Variants in PDE11A observed in about 807,000 individuals in gnomAD.
PDE11A encodes dual 3',5'-cyclic-AMP and -GMP phosphodiesterase 11A.
PDE11A carries 100 observed loss-of-function variants against 100.5 expected under a neutral mutation model. The ratio of observed to expected loss-of-function variants is 1.00; its 90% confidence interval spans 0.85 to 1.18. PDE11A has a LOEUF of 1.18. PDE11A is among the 50% of genes most tolerant of loss of function. The probability of loss-of-function intolerance (pLI) is 0.00; values close to 1 mark genes in which losing one functional copy is unlikely to be tolerated. For missense variants in PDE11A, 1,141 were observed against 1,152.6 expected (o/e 0.99, Z 0.15); for synonymous variants, 381 against 420.8 (o/e 0.91, Z 1.16).
At chr2:177,926,083 C>A (rs763723946) in intron 2 of PDE11A, among the ~76,000 whole-genome samples, 1 of 152,106 alleles carries the variant, frequency 6.6e-6, no homozygotes, top group Non-Finnish European at 1.5e-5. Flanking sequence ...ATAGTAGAAA[C>A]CAAAACAAAT....
chr2:177,993,538 A>C (rs1574328874), intron 2 of PDE11A, among the ~76,000 whole-genome samples: 1 of 152,206 alleles, frequency 6.6e-6, no homozygotes, highest in East Asian at 1.9e-4. Context: ...TAACAAGCTC[A>C]ATGTGCAACC....
Position 178,071,513 on chromosome 2 carries a change from T to C in PDE11A, c.912+13A>G, listed in dbSNP as rs777564489. ...ATGGGGCTCTGGGAGAAGGGGACAATGCAAAGTCCTACCTGGTAGGCATCA... is the reference window on the plus strand; with the variant it reads ...ATGGGGCTCTGGGAGAAGGGGACAACGCAAAGTCCTACCTGGTAGGCATCA... On this transcript the variant is annotated intron_variant, in intron 1 of 19. Transcript: ENST00000286063. The C allele has an allele frequency of 4.3e-6, 7 of 1,613,308 alleles. No homozygotes were observed. Among genetic ancestry groups the C allele is most frequent in the Non-Finnish European group, 5.9e-6 (7 of 1,179,276 alleles).
At chr2:177,748,306 G>A (rs149492485) in intron 10 of PDE11A, among the ~76,000 whole-genome samples, 1,579 of 152,256 alleles carry the variant, frequency 0.01, 31 homozygotes, top group African/African-American at 0.035. Flanking sequence ...TCTAGATGGA[G>A]TCCATTTTTT....
chr2:177,813,876 A>T (rs530439269), intron 9 of PDE11A, among the ~76,000 whole-genome samples: 1 of 152,182 alleles, frequency 6.6e-6, no homozygotes, highest in East Asian at 1.9e-4. Context: ...GGACTGAAAG[A>T]GCTACATTTA....
chr2:177,872,210 G>A (rs1477676221), intron 5 of PDE11A, among the ~76,000 whole-genome samples: 4 of 152,178 alleles, frequency 2.6e-5, no homozygotes. Context: ...AGGAATAACT[G>A]CCTCCAAACA....
chr2:177,724,296 C>T (rs925933045), intron 12 of PDE11A, among the ~76,000 whole-genome samples: 1 of 151,760 alleles, frequency 6.6e-6, no homozygotes, highest in South Asian at 2.1e-4. Context: ...CATTTTATAT[C>T]AATTTGCCTG....
chr2:177,997,241 G>A (rs1029645494), intron 2 of PDE11A: 17 of 1,290,668 alleles, frequency 1.3e-5, no homozygotes, highest in African/African-American at 1.0e-4. Flanking sequence ...CCCCAACCTC[G>A]GCCCCCTCTA....
In PDE11A at chr2:177,756,965, G is replaced by C. The variant is rs567893406; in HGVS notation, c.1788+12358C>G. Among the ~76,000 whole-genome samples, 6 of 152,310 alleles carry C rather than the reference G, an allele frequency of 3.9e-5. No individual in the cohort carries two copies. In the South Asian group the frequency reaches 1.2e-3, roughly 32 times the overall value. On this transcript the variant is annotated intron_variant, in intron 10 of 19. Transcript: ENST00000286063. ...TCAAGGGCTCACAATCAGACGATAA[G>C]GAGGGTCAAGCCAAGACGAGAAGAA... is the stretch of plus-strand genomic sequence containing the variant.
chr2:178,027,934 A>C lies in PDE11A; in HGVS notation c.913-13474T>G, dbSNP rs932885867. Among the ~76,000 whole-genome samples, 10 of 152,226 alleles carry C rather than the reference A, an allele frequency of 6.6e-5. No individual in the cohort carries two copies. In the East Asian group the frequency reaches 1.2e-3, roughly 18 times the overall value. On this transcript the variant is annotated intron_variant, in intron 1 of 19. Coordinates refer to ENST00000286063, the MANE Select transcript of PDE11A (RefSeq NM_016953.4). ...GAATGAATACTATCAACTAAAAAAA[A>C]CAAACTATTAAACCAGTAAATATAA...
chr2:178,028,551 C>T (rs141983960), intron 1 of PDE11A, among the ~76,000 whole-genome samples: 2 of 152,260 alleles, frequency 1.3e-5, no homozygotes, highest in East Asian at 1.9e-4. Flanking sequence ...AGAAATGAGT[C>T]GGCATGTTTA....
Position 177,727,811 on chromosome 2 carries a change from T to C in PDE11A, c.1936-46A>G, listed in dbSNP as rs772484285. The stretch of plus-strand genomic sequence containing the variant: ...TGCGTCAGGCAGTTGTAAGTGATTC[T>C]AGTGGACCCTTATCTCAATGGTGCC... On this transcript the variant is annotated intron_variant, in intron 11 of 19. Coordinates refer to ENST00000286063, the MANE Select transcript of PDE11A (RefSeq NM_016953.4). 38 of 1,158,044 alleles carry C rather than the reference T, an allele frequency of 3.3e-5. No homozygotes were observed. In the East Asian group the frequency reaches 8.6e-4, roughly 26 times the overall value. The allele number at this position is 1,158,044 out of a possible 1,614,324, so 71.7% of individuals were successfully genotyped here. A position where few individuals can be genotyped will look rare whatever the true frequency, so the allele number is the denominator to read the frequency against.
intron 2 of PDE11A, among the ~76,000 whole-genome samples, chr2:178,096,169 CTTTTT>C (rs71010857): frequency 8.3e-6 from 1 of 120,110 alleles, no homozygotes; most frequent in African/African-American, 3.2e-5. Flanking sequence ...CTTTTCTTTT[CTTTTT>C]TTTTTTTGAG....
intron 10 of PDE11A, among the ~76,000 whole-genome samples, chr2:177,751,583 T>C (rs911861459): frequency 2.6e-5 from 4 of 152,178 alleles, no homozygotes; most frequent in Non-Finnish European, 5.9e-5. Flanking sequence ...CTCAGAAAGC[T>C]GTGTCTAATG....
At chr2:177,903,914 A>G (rs942692417) in intron 3 of PDE11A, among the ~76,000 whole-genome samples, 2 of 152,216 alleles carry the variant, frequency 1.3e-5, no homozygotes, top group East Asian at 3.8e-4. Flanking sequence ...ACATGGGGCT[A>G]AAGATGAAAA....
rs1465178860 is a variant in PDE11A, at chr2:177,875,936, A to G, written c.1303-13T>C. On this transcript the variant is annotated splice_polypyrimidine_tract_variant and intron_variant, in intron 4 of 19. Transcript: ENST00000286063. The stretch of plus-strand genomic sequence containing the variant: ...TAAATTTCACCACCTGTCGCATAGA[A>G]AGATAATAAATCCAGGTCAATTAAA... 1 of 1,551,142 alleles carries G rather than the reference A, an allele frequency of 6.4e-7. No homozygotes were observed. The highest frequency in any genetic ancestry group is 8.9e-7 in the Non-Finnish European group (1 of 1,122,516).
intron 2 of PDE11A, among the ~76,000 whole-genome samples, chr2:178,078,932 C>T (rs2087249343): frequency 6.6e-6 from 1 of 152,126 alleles, no homozygotes; most frequent in African/African-American, 2.4e-5. Context: ...AGAACATTTA[C>T]ATTAAAGAAC....
chr2:177,790,200 A>C (rs1226658945), intron 9 of PDE11A, among the ~76,000 whole-genome samples: 1 of 147,802 alleles, frequency 6.8e-6, no homozygotes, highest in Non-Finnish European at 1.5e-5. Flanking sequence ...GATATAGATC[A>C]ATGGAACAGA....
chr2:178,051,007 C>T (rs1320658120), intron 1 of PDE11A, among the ~76,000 whole-genome samples: 25 of 152,092 alleles, frequency 1.6e-4, no homozygotes, highest in Non-Finnish European at 5.9e-5. Context: ...ACAGAGAGAA[C>T]GCCACAAAGA....
chr2:177,762,436 T>C (rs2082183061), intron 10 of PDE11A, among the ~76,000 whole-genome samples: 1 of 152,218 alleles, frequency 6.6e-6, no homozygotes, highest in African/African-American at 2.4e-5. Context: ...CCAGATGCGC[T>C]AGTGTTCTGG....
Sources: allele counts gnomAD v4.1 joint callset (sites outside exome capture counted in the v4.1 genomes callset), GRCh38; gene constraint gnomAD v4.1.1; transcripts MANE v1.5; gene names NCBI Gene and HGNC (gene_info 2026-07-23, HGNC 2026-07-21).